The following NR2C2 variants were observed in gnomAD, a reference collection of about 807,000 sequenced individuals.
The protein encoded by NR2C2 is Nuclear hormone receptor TR4.
A neutral mutation model predicts 62.9 loss-of-function variants in NR2C2; 6 were observed. The observed-to-expected ratio is 0.10, with a 90% CI of 0.05 to 0.19. NR2C2 has a LOEUF of 0.19. NR2C2 is among the 10% of genes least tolerant of loss of function. The pLI, the probability that NR2C2 is intolerant of heterozygous loss-of-function variation, is 1.00. For synonymous variants in NR2C2, 272 were observed against 273.8 expected (o/e 0.99, Z 0.07); for missense variants, 479 against 762.7 (o/e 0.63, Z 4.38).
chr3:15,004,613 G>A (rs2041115513), intron 2 of NR2C2: 2 of 1,612,118 alleles, frequency 1.2e-6, no homozygotes, highest in Admixed American at 1.7e-5. Flanking sequence ...ACAAAGAGAA[G>A]GTAGGTGTAT....
intron 2 of NR2C2, among the ~76,000 whole-genome samples, chr3:15,010,402 C>T (rs1183633982): frequency 6.6e-6 from 1 of 151,296 alleles, no homozygotes; most frequent in Non-Finnish European, 1.5e-5. Context: ...TTTTTATAAG[C>T]GTGAGTCTTT....
At chr3:14,974,755 C>T (rs575402772) in intron 1 of NR2C2, among the ~76,000 whole-genome samples, 1 of 152,076 alleles carries the variant, frequency 6.6e-6, no homozygotes, top group African/African-American at 2.4e-5. Context: ...AGGTATGTGC[C>T]ACCATGCCCG....
chr3:14,991,314 TAA>T (rs2040663700), intron 1 of NR2C2, among the ~76,000 whole-genome samples: 2 of 152,222 alleles, frequency 1.3e-5, no homozygotes, highest in Admixed American at 6.5e-5. Flanking sequence ...GAACTGCACA[TAA>T]AAGTCAGCAG....
At chr3:15,020,464 A>G (rs148199982) in intron 4 of NR2C2, among the ~76,000 whole-genome samples, 3 of 152,360 alleles carry the variant, frequency 2.0e-5, no homozygotes, top group African/African-American at 7.2e-5. Context: ...ATGTTAGACC[A>G]TTTGTATACT....
chr3:15,021,439 A>G (rs1185837874), intron 5 of NR2C2, among the ~76,000 whole-genome samples: 2 of 152,152 alleles, frequency 1.3e-5, no homozygotes, highest in African/African-American at 2.4e-5. Flanking sequence ...AGAGAAAGCT[A>G]TTGCTCCTGG....
intron 4 of NR2C2, among the ~76,000 whole-genome samples, chr3:15,020,546 T>C (rs2041643494): frequency 6.6e-6 from 1 of 152,222 alleles, no homozygotes; most frequent in Admixed American, 6.5e-5. Flanking sequence ...CCATCATGAA[T>C]TCATAAGGCT....
chr3:14,963,535 C>T lies in NR2C2; in HGVS notation c.-40+15629C>T, dbSNP rs2039748799. Among the ~76,000 whole-genome samples, 3 of 152,106 alleles carry T rather than the reference C, an allele frequency of 2.0e-5. No individual in the cohort carries two copies. The South Asian group carries it at 6.2e-4, about 32-fold the overall frequency. ...CCAGGCTGAAGTGCAGTGGCGCGAT[C>T]TCGGCCCACTGCAAGCTCCGCTTCC... On this transcript the variant is annotated intron_variant, in intron 1 of 13. Coordinates refer to ENST00000425241, the MANE Select transcript of NR2C2 (RefSeq NM_001291694.2).
chr3:15,028,469 G>T lies in NR2C2; in HGVS notation c.799-117G>T, dbSNP rs1021077132. 1.6e-5 allele frequency: 14 copies of T among 866,652 alleles called. No homozygotes were observed. In the East Asian group the frequency reaches 3.7e-4, roughly 23 times the overall value. 53.7% of individuals were successfully genotyped at this position (866,652 alleles called of 1,614,324 possible). A position where few individuals can be genotyped will look rare whatever the true frequency, so the allele number is the denominator to read the frequency against. On this transcript the variant is annotated intron_variant, in intron 7 of 13. Transcript: ENST00000425241. ...AAGATCTTCCTCGTGTTGCCCCTTT[G>T]TAGTCACACTTCCCTCTCCTCGAAG...
intron 8 of NR2C2, 56 bp from the exon 9 acceptor site, chr3:15,030,219 G>A (rs1163775866): frequency 2.8e-6 from 4 of 1,405,860 alleles, no homozygotes; most frequent in African/African-American, 1.5e-5. Context: ...CTAGAATTCT[G>A]TTCCCCCTAA....
rs759984480 is a variant in NR2C2 at position 15,042,843 on chromosome 3, G to C, written c.1626G>C (p.Arg542=). The stretch of plus-strand genomic sequence containing the variant: ...ACACTCCCTTTTATAGATTGGCCCG[G>C]ATCCTCGTTCGCCTGCCGGCACTCA... The part of the protein sequence containing the change: ...TYSEDTYRLA[R]ILVRLPALRL... The change falls in exon 14 of 14, where the codon CGG becomes CGC. Residue 542 remains arginine (R), a synonymous_variant. Transcript: ENST00000425241. The C allele has an allele frequency of 3.1e-6, 5 of 1,613,954 alleles. No homozygotes were observed. In the East Asian group the frequency reaches 1.1e-4, roughly 36 times the overall value.
At chr3:14,955,121 G>A (rs992409820) in intron 1 of NR2C2, among the ~76,000 whole-genome samples, 2 of 152,144 alleles carry the variant, frequency 1.3e-5, no homozygotes, top group African/African-American at 2.4e-5. Context: ...AGGAGCCACC[G>A]AGCCTGGCTG....
At chr3:14,977,948 CAA>C (rs11388882) in intron 1 of NR2C2, among the ~76,000 whole-genome samples, 18 of 104,158 alleles carry the variant, frequency 1.7e-4, no homozygotes, top group Admixed American at 3.3e-4. Context: ...GACTCTGCCT[CAA>C]AAAAAAAAAA....
chr3:14,979,220 T>C (rs2040293286), intron 1 of NR2C2, among the ~76,000 whole-genome samples: 1 of 152,200 alleles, frequency 6.6e-6, no homozygotes, highest in Non-Finnish European at 1.5e-5. Context: ...GGTAAAGGGA[T>C]AGAGATAAAT....
chr3:15,048,974 C>T lies in NR2C2; in HGVS notation c.*5966C>T, dbSNP rs1053177900. The T allele has an allele frequency of 2.0e-5, 3 of 152,620 alleles. No individual in the cohort carries two copies. The highest frequency in any genetic ancestry group is 4.4e-5 in the Non-Finnish European group (3 of 68,038). 9.5% of individuals were successfully genotyped at this position (152,620 alleles called of 1,614,324 possible). A position where few individuals can be genotyped will look rare whatever the true frequency, so the allele number is the denominator to read the frequency against. The stretch of plus-strand genomic sequence containing the variant: ...TGGTTTTGCCATTACATTTTAATGC[C>T]AGGTTTAAAACCTGTTGAAAGCTGC... On this transcript the variant is annotated 3_prime_UTR_variant, in exon 14 of 14. Transcript: ENST00000425241.
chr3:15,011,171 A>G (rs1272538710), intron 2 of NR2C2, among the ~76,000 whole-genome samples: 1 of 152,074 alleles, frequency 6.6e-6, no homozygotes, highest in Non-Finnish European at 1.5e-5. Flanking sequence ...CCATCTCCAC[A>G]AAAAAATTTT....
rs530651453 is a variant in NR2C2, at chr3:14,950,363, G to A, written c.-40+2457G>A. ...TCTCTTACAGGCAGTATGTTGTTCA[G>A]GCGCCACTAGAACCCACGTAATGGC... On this transcript the variant is annotated intron_variant, in intron 1 of 13. Coordinates refer to ENST00000425241, the MANE Select transcript of NR2C2 (RefSeq NM_001291694.2). Among the ~76,000 whole-genome samples the A allele has an allele frequency of 5.3e-5, 8 of 152,310 alleles. No homozygotes were observed. The South Asian group carries it at 1.2e-3, about 24-fold the overall frequency.
chr3:15,019,350 A>G (rs1249426892), intron 4 of NR2C2, among the ~76,000 whole-genome samples: 1 of 152,218 alleles, frequency 6.6e-6, no homozygotes, highest in Non-Finnish European at 1.5e-5. Context: ...CACTATAGAA[A>G]ACTGTATGGA....
At chr3:15,028,554 C>A in intron 7 of NR2C2, 32 bp from the exon 8 acceptor site, 2 of 1,597,900 alleles carry the variant, frequency 1.3e-6, no homozygotes, top group South Asian at 2.2e-5. Flanking sequence ...TATCTGTGTT[C>A]ATTTTTAATG....
rs1178795677 is a variant in NR2C2, at chr3:15,046,087, T to G, written c.*3079T>G. The G allele has an allele frequency of 6.6e-6, 1 of 152,200 alleles. No homozygotes were observed. Among genetic ancestry groups the G allele is most frequent in the South Asian group, 2.1e-4 (1 of 4,832 alleles). The allele number at this position is 152,200 out of a possible 1,614,324, so 9.4% of individuals were successfully genotyped here. ...CTTTTCAAGTTACTCCTGGAAGGTGTTTTTAAGGAAGTGTGTTACCTACCA... is the reference window on the plus strand; with the variant it reads ...CTTTTCAAGTTACTCCTGGAAGGTGGTTTTAAGGAAGTGTGTTACCTACCA... On this transcript the variant is annotated 3_prime_UTR_variant, in exon 14 of 14. Coordinates refer to ENST00000425241, the MANE Select transcript of NR2C2 (RefSeq NM_001291694.2).
Sources: gnomAD v4.1 joint callset for allele counts (sites outside exome capture counted in the v4.1 genomes callset) on GRCh38, gnomAD v4.1.1 for gene constraint, MANE v1.5 for transcripts, NCBI Gene and HGNC (gene_info 2026-07-23, HGNC 2026-07-21) for gene names.